Variants in FBXL7 observed in about 807,000 individuals in gnomAD.
FBXL7 encodes the protein F-box/LRR-repeat protein 7.
In FBXL7, 12 loss-of-function variants were observed where a neutral mutation model predicts 38.3. The observed-to-expected ratio is 0.31, with a 90% CI of 0.20 to 0.51. FBXL7 has a LOEUF of 0.51. FBXL7 is among the 20% of genes least tolerant of loss of function. The pLI is 0.98. For missense variants in FBXL7, 567 were observed against 676.4 expected, an observed-to-expected ratio of 0.84 and a Z score of 1.79; for synonymous variants, 297 against 300.9, an observed-to-expected ratio of 0.99 and a Z score of 0.13.
intron 2 of FBXL7, among the ~76,000 whole-genome samples, chr5:15,828,813 C>T (rs1738380781): frequency 6.6e-6 from 1 of 152,168 alleles, no homozygotes; most frequent in Non-Finnish European, 1.5e-5. Context: ...CAGAATATGG[C>T]CAGTCTGGAT....
chr5:15,915,025 G>C, intron 2 of FBXL7, among the ~76,000 whole-genome samples: 1 of 152,200 alleles, frequency 6.6e-6, no homozygotes, highest in Non-Finnish European at 1.5e-5. Flanking sequence ...CTTCTGACCA[G>C]GAGCTTGAGT....
At position 15,928,179 on chromosome 5, in the gene FBXL7, A is replaced by G; in HGVS notation, c.417A>G (p.Arg139=). The part of the protein sequence containing the change: ...LPTNQLCRCA[R]VCRRWYNLAW... ...CCAACCAGCTGTGCCGCTGCGCGCG[A>G]GTGTGCCGCCGCTGGTACAACCTGG... Residue 139 remains arginine (R), a synonymous_variant, in exon 3 of 4, where the codon CGA becomes CGG. Transcript: ENST00000504595. This position sits in a 1 kb window ranked among gnomAD's most constrained non-coding sequence, Gnocchi z 4.0. 1.9e-6 allele frequency: 3 copies of G among 1,609,840 alleles called. No homozygotes were observed. The highest frequency in any genetic ancestry group is 2.2e-5 in the South Asian group (2 of 90,564).
At chr5:15,881,675 C>G (rs1280059243) in intron 2 of FBXL7, among the ~76,000 whole-genome samples, 1 of 152,100 alleles carries the variant, frequency 6.6e-6, no homozygotes, top group Non-Finnish European at 1.5e-5. Flanking sequence ...TTCTCTTACC[C>G]ACCAAAACAT....
chr5:15,899,572 C>G (rs901350188), intron 2 of FBXL7, among the ~76,000 whole-genome samples: 4 of 151,948 alleles, frequency 2.6e-5, no homozygotes, highest in Non-Finnish European at 5.9e-5. Context: ...GAAACCAAAC[C>G]AAACCAAAAA....
intron 2 of FBXL7, among the ~76,000 whole-genome samples, chr5:15,714,517 A>G (rs979216119): frequency 1.3e-5 from 2 of 150,256 alleles, no homozygotes; most frequent in South Asian, 4.1e-4. Flanking sequence ...GGAATACACA[A>G]TGTACAATAT....
chr5:15,708,377 C>A (rs377219594), intron 2 of FBXL7, among the ~76,000 whole-genome samples: 4 of 152,192 alleles, frequency 2.6e-5, no homozygotes, highest in Non-Finnish European at 1.5e-5. Flanking sequence ...TATGTCTTAG[C>A]AGATGTAAAG....
At chr5:15,707,542 C>T (rs916608747) in intron 2 of FBXL7, among the ~76,000 whole-genome samples, 2 of 152,092 alleles carry the variant, frequency 1.3e-5, no homozygotes, top group Non-Finnish European at 2.9e-5. Flanking sequence ...AGATGACAGA[C>T]GTTTGCATCT....
intron 2 of FBXL7, among the ~76,000 whole-genome samples, chr5:15,660,425 C>T (rs545686649): frequency 2.0e-5 from 3 of 152,332 alleles, no homozygotes; most frequent in South Asian, 2.1e-4. Context: ...GGCGTGGTCT[C>T]GGCTCACTGC....
intron 2 of FBXL7, among the ~76,000 whole-genome samples, chr5:15,682,953 A>G (rs992837844): frequency 2.0e-5 from 3 of 152,258 alleles, no homozygotes; most frequent in Admixed American, 6.5e-5. Context: ...TTTCACATAC[A>G]GAGCTTTAGG....
At position 15,500,195 on chromosome 5, in the gene FBXL7, T is replaced by A. The variant is rs1307199911; in HGVS notation, c.-482T>A. ...GGCGAGCTGCGCCGGGTCGCTAGTC[T>A]TCACTCGCTCCGGGGACCCGCAACA... On this transcript the variant is annotated 5_prime_UTR_variant, in exon 1 of 4. Coordinates refer to ENST00000504595, the MANE Select transcript of FBXL7 (RefSeq NM_012304.5). The A allele has an allele frequency of 1.3e-5, 2 of 151,934 alleles. No individual in the cohort carries two copies. Among genetic ancestry groups the A allele is most frequent in the African/African-American group, 4.8e-5 (2 of 41,420 alleles). The allele number at this position is 151,934 out of a possible 1,614,324, so 9.4% of individuals were successfully genotyped here.
intron 2 of FBXL7, among the ~76,000 whole-genome samples, chr5:15,617,844 C>T (rs1195151805): frequency 3.3e-5 from 5 of 152,184 alleles, no homozygotes; most frequent in African/African-American, 9.7e-5. Flanking sequence ...GCCAGATTAT[C>T]TATGTTTTCT....
chr5:15,583,894 C>A (rs1169276555), intron 1 of FBXL7, among the ~76,000 whole-genome samples: 1 of 152,180 alleles, frequency 6.6e-6, no homozygotes, highest in African/African-American at 2.4e-5. Context: ...AAGGGCTTCA[C>A]CCCTACAGCA....
At chr5:15,604,841 C>T (rs555785404) in intron 1 of FBXL7, among the ~76,000 whole-genome samples, 3 of 152,146 alleles carry the variant, frequency 2.0e-5, no homozygotes, top group African/African-American at 7.2e-5. Flanking sequence ...GTAGCTCTGG[C>T]CTTTCCCACA....
intron 2 of FBXL7, among the ~76,000 whole-genome samples, chr5:15,868,053 G>A (rs997491280): frequency 2.7e-4 from 41 of 149,478 alleles, no homozygotes; most frequent in Middle Eastern, 3.5e-3. Flanking sequence ...GCGGTGAGCT[G>A]AGATTGCGCC....
At chr5:15,587,963 T>C (rs1739349216) in intron 1 of FBXL7, among the ~76,000 whole-genome samples, 1 of 152,182 alleles carries the variant, frequency 6.6e-6, no homozygotes, top group Non-Finnish European at 1.5e-5. Flanking sequence ...TTTTTGGTTG[T>C]TGTTCCTAAA....
intron 2 of FBXL7, among the ~76,000 whole-genome samples, chr5:15,623,350 A>G (rs925495623): frequency 1.3e-5 from 2 of 152,232 alleles, no homozygotes; most frequent in Non-Finnish European, 2.9e-5. Flanking sequence ...TAGCCTTTCA[A>G]TATTCAGTTA....
intron 2 of FBXL7, among the ~76,000 whole-genome samples, chr5:15,833,007 C>G (rs377434917): frequency 1.8e-4 from 28 of 152,220 alleles, no homozygotes; most frequent in African/African-American, 6.0e-4. Flanking sequence ...TTTTCCTGCA[C>G]AAGTTCTCTT....
intron 2 of FBXL7, among the ~76,000 whole-genome samples, chr5:15,707,543 G>A (rs1178621493): frequency 3.9e-5 from 6 of 152,216 alleles, no homozygotes; most frequent in African/African-American, 7.2e-5. Context: ...GATGACAGAC[G>A]TTTGCATCTG....
intron 1 of FBXL7, chr5:15,602,503 G>A (rs1389258089): frequency 6.6e-6 from 1 of 152,116 alleles, no homozygotes; most frequent in East Asian, 1.9e-4. Context: ...TTTTGGAGAT[G>A]TGGGAGGGGA....
Sources: gnomAD v4.1 joint callset for allele counts (sites outside exome capture counted in the v4.1 genomes callset) on GRCh38, gnomAD v4.1.1 for gene constraint, Gnocchi (gnomAD v3.1) non-coding constraint, MANE v1.5 for transcripts, NCBI Gene and HGNC (gene_info 2026-07-23, HGNC 2026-07-21) for gene names.